The following CTNNBL1 variants were observed in gnomAD, a reference collection of about 807,000 sequenced individuals.
CTNNBL1 encodes the protein catenin beta like 1.
CTNNBL1 carries 31 observed loss-of-function variants against 72.7 expected under a neutral mutation model. The ratio of observed to expected loss-of-function variants is 0.43; its 90% confidence interval spans 0.32 to 0.58. The LOEUF (loss-of-function observed/expected upper bound fraction) is 0.58, where lower values mean the gene tolerates loss of function less well. Ranked by LOEUF, CTNNBL1 falls within the 20% of genes least tolerant of loss-of-function variation. The probability of loss-of-function intolerance (pLI) is 0.08; values close to 1 mark genes in which losing one functional copy is unlikely to be tolerated. For missense variants in CTNNBL1, 534 were observed against 725.1 expected (o/e 0.74, Z 3.03); for synonymous variants, 240 against 267.3 (o/e 0.90, Z 1.00).
intron 15 of CTNNBL1, 90 bp downstream of exon 15, chr20:37,860,434 T>C: frequency 9.2e-7 from 1 of 1,085,682 alleles, no homozygotes. Context: ...GTATTTGATG[T>C]GGAGCGTTTT....
chr20:37,871,772 A>C (rs2072586831), intron 15 of CTNNBL1, among the ~76,000 whole-genome samples, 153 bp from the exon 16 acceptor site: 1 of 152,114 alleles, frequency 6.6e-6, no homozygotes, highest in Non-Finnish European at 1.5e-5. Flanking sequence ...TGAGGCCTCA[A>C]AGGCAAGACC....
intron 12 of CTNNBL1, among the ~76,000 whole-genome samples, chr20:37,840,653 A>G (rs1245572749): frequency 2.0e-5 from 3 of 152,248 alleles, no homozygotes; most frequent in Non-Finnish European, 4.4e-5. Flanking sequence ...GGTGAATTAG[A>G]TAAGGTCTTA....
intron 11 of CTNNBL1, among the ~76,000 whole-genome samples, chr20:37,822,023 G>A (rs746227424): frequency 1.3e-5 from 2 of 152,116 alleles, no homozygotes; most frequent in Admixed American, 6.5e-5. Context: ...TCTCAGGACT[G>A]TTCAATAGAC....
chr20:37,746,422 T>TG, intron 3 of CTNNBL1, 46 bp from the exon 4 acceptor site: 4 of 1,595,578 alleles, frequency 2.5e-6, no homozygotes, highest in Non-Finnish European at 3.4e-6. Context: ...TCCTCATTGC[T>TG]GATAGTGCCC....
intron 10 of CTNNBL1, among the ~76,000 whole-genome samples, chr20:37,797,890 T>C (rs1475951058): frequency 6.6e-6 from 1 of 152,240 alleles, no homozygotes; most frequent in Non-Finnish European, 1.5e-5. Context: ...GCATGTGCTC[T>C]TGTTTCCTTC....
rs781389055 is a variant in CTNNBL1 at position 37,765,298 on chromosome 20, G to T, written c.658+8G>T. 4 of 1,533,622 alleles carry T rather than the reference G, an allele frequency of 2.6e-6. No homozygotes were observed. The highest frequency in any genetic ancestry group is 1.2e-5 in the South Asian group (1 of 83,718). ...GCGTCCACAACACTCTGGGTGAGAG[G>T]AAGGGTGCTTGCCATTGCCTGAGTT... On this transcript the variant is annotated splice_region_variant and intron_variant, in intron 6 of 15. Transcript: ENST00000361383.
At chr20:37,708,311 A>G (rs1432750686) in intron 1 of CTNNBL1, among the ~76,000 whole-genome samples, 1 of 151,774 alleles carries the variant, frequency 6.6e-6, no homozygotes, top group Non-Finnish European at 1.5e-5. Context: ...AGCTGGGACT[A>G]CAGGTGTGTG....
chr20:37,845,474 G>A (rs1413199197), intron 13 of CTNNBL1, among the ~76,000 whole-genome samples: 2 of 152,182 alleles, frequency 1.3e-5, no homozygotes, highest in Admixed American at 6.5e-5. Context: ...TGCCAAGGCC[G>A]TTTTGCTGGG....
intron 15 of CTNNBL1, among the ~76,000 whole-genome samples, chr20:37,864,707 G>A (rs2072522618): frequency 6.6e-6 from 1 of 152,222 alleles, no homozygotes; most frequent in Admixed American, 6.5e-5. Context: ...GGAGCCATGT[G>A]CTCCATGAGA....
chr20:37,695,275 A>G lies in CTNNBL1; in HGVS notation c.30+1123A>G, dbSNP rs552373317. On this transcript the variant is annotated intron_variant, in intron 1 of 15. Coordinates refer to ENST00000361383, the MANE Select transcript of CTNNBL1 (RefSeq NM_030877.5). ...CATGCTGGAGTGCAGTGGCACAATC[A>G]TTGCTCACAGTAGCCTTAAACTCCT... 2.4e-4 allele frequency among the ~76,000 whole-genome samples: 36 copies of G among 152,302 alleles called. No individual in the cohort carries two copies. The East Asian group carries it at 6.4e-3, about 27-fold the overall frequency.
chr20:37,848,018 G>C (rs2072361524), intron 13 of CTNNBL1: 1 of 152,460 alleles, frequency 6.6e-6, no homozygotes, highest in Non-Finnish European at 1.5e-5. Context: ...AAAACACTGG[G>C]TGAGATGGTA....
At position 37,802,927 on chromosome 20, in the gene CTNNBL1, C is replaced by T. The variant is rs377606536; in HGVS notation, c.1092C>T (p.Pro364=). ...TGCTGGACCATGCCATGATTGGCCC[C>T]GAAGGCACAGACAACTGCCATAAGT... The part of the protein sequence containing the change: ...LKVLDHAMIG[P]EGTDNCHKFV... The change falls in exon 11 of 16, where the codon CCC becomes CCT. Residue 364 remains proline, a synonymous_variant. Transcript: ENST00000361383. 1.7e-5 allele frequency: 27 copies of T among 1,613,772 alleles called. No individual in the cohort carries two copies. The highest frequency in any genetic ancestry group is 3.3e-5 in the Admixed American group (2 of 59,990).
Position 37,709,923 on chromosome 20 carries a change from C to T in CTNNBL1, c.30+15771C>T, listed in dbSNP as rs374368983. On this transcript the variant is annotated intron_variant, in intron 1 of 15. Transcript: ENST00000361383. Reference sequence around the variant, plus strand: ...TAACTGAAGCTTTTAAGTGGCAAGACGATCTATTCCAGCTTCTTCTTTGTA... The same window carrying T: ...TAACTGAAGCTTTTAAGTGGCAAGATGATCTATTCCAGCTTCTTCTTTGTA... Among the ~76,000 whole-genome samples the T allele has an allele frequency of 5.9e-5, 9 of 152,192 alleles. No homozygotes were observed. The East Asian group carries it at 1.2e-3, about 20-fold the overall frequency.
rs188014630 is a variant in CTNNBL1 at position 37,725,800 on chromosome 20, A to G, written c.31-7079A>G. Among the ~76,000 whole-genome samples the G allele has an allele frequency of 5.5e-3, 830 of 151,888 alleles. 6 individuals are homozygous for G. The highest frequency in any genetic ancestry group is 0.019 in the African/African-American group (788 of 41,474). Reference sequence around the variant, plus strand: ...GATGTTCGAGACCAGCCTTGTCAACATGGTGTAACCCCATCCCTACCAGAA... The same window carrying G: ...GATGTTCGAGACCAGCCTTGTCAACGTGGTGTAACCCCATCCCTACCAGAA... On this transcript the variant is annotated intron_variant, in intron 1 of 15. Coordinates refer to ENST00000361383, the MANE Select transcript of CTNNBL1 (RefSeq NM_030877.5).
At chr20:37,701,093 A>T (rs996140956) in intron 1 of CTNNBL1, among the ~76,000 whole-genome samples, 3 of 152,196 alleles carry the variant, frequency 2.0e-5, no homozygotes, top group African/African-American at 7.2e-5. Context: ...CACAGTCCTT[A>T]CGTATTTTGT....
intron 11 of CTNNBL1, among the ~76,000 whole-genome samples, chr20:37,829,308 A>G (rs1356148195): frequency 1.3e-5 from 2 of 152,208 alleles, no homozygotes; most frequent in Non-Finnish European, 2.9e-5. Flanking sequence ...TTGCCAAGAT[A>G]TGGGCCTGAT....
At chr20:37,732,752 C>T (rs2073140117) in intron 1 of CTNNBL1, 127 bp from the exon 2 acceptor site, 4 of 777,030 alleles carry the variant, frequency 5.1e-6, no homozygotes, top group Admixed American at 6.1e-5. Flanking sequence ...AGGCTGGTCT[C>T]AAACTCCTGG....
At chr20:37,728,058 G>A (rs1043291288) in intron 1 of CTNNBL1, among the ~76,000 whole-genome samples, 1 of 152,152 alleles carries the variant, frequency 6.6e-6, no homozygotes, top group African/African-American at 2.4e-5. Context: ...AATGTTGCTG[G>A]AAAGGCAAAT....
intron 13 of CTNNBL1, among the ~76,000 whole-genome samples, chr20:37,854,796 C>T (rs1166414302): frequency 1.3e-5 from 2 of 151,844 alleles, no homozygotes; most frequent in Admixed American, 1.3e-4. Context: ...GCCATGATGG[C>T]CAGGCTGCTG....
Sources: gnomAD v4.1 joint callset for allele counts (sites outside exome capture counted in the v4.1 genomes callset) on GRCh38, gnomAD v4.1.1 for gene constraint, MANE v1.5 for transcripts, NCBI Gene and HGNC (gene_info 2026-07-23, HGNC 2026-07-21) for gene names.